Variants in GGA2 observed in about 807,000 individuals in gnomAD.
GGA2 encodes golgi associated, gamma adaptin ear containing, ARF binding protein 2.
A neutral mutation model predicts 79.5 loss-of-function variants in GGA2; 48 were observed. The observed-to-expected ratio is 0.60, with a 90% CI of 0.48 to 0.77. The LOEUF (loss-of-function observed/expected upper bound fraction) is 0.77, where lower values mean the gene tolerates loss of function less well. GGA2 is among the 30% of genes least tolerant of loss of function. The probability of loss-of-function intolerance (pLI) is 0.00; values close to 1 mark genes in which losing one functional copy is unlikely to be tolerated. For missense variants in GGA2, 770 were observed against 774.0 expected (o/e 0.99, Z 0.06); for synonymous variants, 317 against 302.0 (o/e 1.05, Z -0.51).
At chr16:23,512,747 C>T (rs1965080807), upstream of GGA2, among the ~76,000 whole-genome samples, 1 of 128,034 alleles carries the variant, frequency 7.8e-6, no homozygotes, top group Non-Finnish European at 1.6e-5. Flanking sequence ...CTCTGTTGCC[C>T]AGGCTGGAGT....
chr16:23,523,629 G>A (rs987753831), upstream of GGA2: 5 of 152,232 alleles, frequency 3.3e-5, no homozygotes, highest in Non-Finnish European at 7.3e-5. Context: ...CTGAGAACTG[G>A]GACCCATGAG....
At chr16:23,494,170 C>A in intron 3 of GGA2, 133 bp downstream of exon 3, 1 of 682,974 alleles carries the variant, frequency 1.5e-6, no homozygotes, top group Non-Finnish European at 2.7e-6. Flanking sequence ...CCTCCTCCAA[C>A]CTGCTGTGAA....
chr16:23,487,558 C>T (rs976525915), intron 6 of GGA2, among the ~76,000 whole-genome samples: 1 of 152,084 alleles, frequency 6.6e-6, no homozygotes, highest in Admixed American at 6.5e-5. Flanking sequence ...CCTTCATTTC[C>T]AGCGCCCAGC....
upstream of GGA2, chr16:23,522,215 A>C (rs13334957): frequency 0.071 from 14,462 of 202,614 alleles, 986 homozygotes; most frequent in African/African-American, 0.19. Flanking sequence ...CTTGAGAACA[A>C]CTTTTCCTCC....
In GGA2 at chr16:23,465,661, C is replaced by A. The variant is rs1025472240; in HGVS notation, c.*1929G>T. ...AGAGCCTATAAAAGCTACACAGAGG[C>A]CGGGTGCGGTGGCTCACGCCTGTAA... On this transcript the variant is annotated 3_prime_UTR_variant, in exon 17 of 17. Transcript: ENST00000309859. 4.3e-6 allele frequency: 2 copies of A among 469,162 alleles called. No homozygotes were observed. Among genetic ancestry groups the A allele is most frequent in the Admixed American group, 3.8e-5 (1 of 26,576 alleles). The allele number at this position is 469,162 out of a possible 1,614,324, so 29.1% of individuals were successfully genotyped here.
chr16:23,502,127 C>T (rs1964927892), intron 1 of GGA2, among the ~76,000 whole-genome samples: 1 of 152,164 alleles, frequency 6.6e-6, no homozygotes. Context: ...GTTCTCTGCC[C>T]ACTGAGGCAC....
chr16:23,469,032 C>T, intron 15 of GGA2, 36 bp from the exon 16 acceptor site: 1 of 1,231,262 alleles, frequency 8.1e-7, no homozygotes, highest in Non-Finnish European at 1.2e-6. Context: ...TAACTCATTC[C>T]TAACCACAGC....
intron 13 of GGA2, 45 bp downstream of exon 13, chr16:23,478,323 A>G (rs759270689): frequency 6.6e-7 from 1 of 1,510,230 alleles, no homozygotes; most frequent in Non-Finnish European, 8.9e-7. Flanking sequence ...AAGGAACCGC[A>G]CTCAGGAGCC....
upstream of GGA2, chr16:23,510,551 AG>A (rs1323756732): frequency 1.3e-5 from 4 of 303,010 alleles, no homozygotes; most frequent in South Asian, 1.4e-4. Context: ...CGCCCACCCC[AG>A]GCCCCCCCTC....
At chr16:23,479,081 G>T (rs753258269) in intron 11 of GGA2, 170 bp from the exon 12 acceptor site, 1 of 643,186 alleles carries the variant, frequency 1.6e-6, no homozygotes, top group African/African-American at 1.8e-5. Flanking sequence ...ATATGCAAGG[G>T]GGACCCTCTG....
chr16:23,479,015 ACAAATAAG>A, intron 11 of GGA2, 104 bp from the exon 12 acceptor site: 1 of 828,336 alleles, frequency 1.2e-6, no homozygotes, highest in Non-Finnish European at 2.1e-6. Context: ...GAAAGTCTAG[ACAAATAAG>A]CAACTTACTG....
chr16:23,521,312 T>C (rs150570965), intron 1 of GGA2, among the ~76,000 whole-genome samples: 1 of 152,236 alleles, frequency 6.6e-6, no homozygotes, highest in East Asian at 1.9e-4. Context: ...ACAACCACCA[T>C]CTTATTTTCT....
intron 11 of GGA2, 151 bp from the exon 12 acceptor site, chr16:23,479,062 C>A (rs1358669275): frequency 4.5e-6 from 3 of 663,320 alleles, no homozygotes; most frequent in Non-Finnish European, 8.3e-6. Flanking sequence ...CATGGCCAAT[C>A]TGTGACTAAT....
chr16:23,504,971 G>A (rs949815419), intron 1 of GGA2, among the ~76,000 whole-genome samples: 6 of 152,062 alleles, frequency 3.9e-5, no homozygotes, highest in South Asian at 2.1e-4. Flanking sequence ...ACCATCCCAC[G>A]TCAGCTGCCA....
chr16:23,490,739 GA>G (rs1199570785), intron 5 of GGA2, among the ~76,000 whole-genome samples: 238 of 89,230 alleles, frequency 2.7e-3, no homozygotes, highest in Middle Eastern at 6.9e-3. Flanking sequence ...TGTCTCAAAA[GA>G]AAAAAAAAAA....
intron 15 of GGA2, 42 bp downstream of exon 15, chr16:23,469,954 A>C: frequency 7.1e-7 from 1 of 1,415,234 alleles, no homozygotes; most frequent in African/African-American, 1.5e-5. Context: ...TGGCACTCAA[A>C]AACGACAGCC....
At chr16:23,503,131 T>G (rs192767355) in intron 1 of GGA2, among the ~76,000 whole-genome samples, 1 of 152,328 alleles carries the variant, frequency 6.6e-6, no homozygotes, top group Non-Finnish European at 1.5e-5. Flanking sequence ...TCGGGAACAA[T>G]AGGAATCCCT....
chr16:23,465,689 C>T lies in GGA2; in HGVS notation c.*1901G>A. The T allele has an allele frequency of 2.8e-6, 1 of 351,408 alleles. No individual in the cohort carries two copies. Among genetic ancestry groups the T allele is most frequent in the South Asian group, 4.2e-5 (1 of 23,854 alleles). The allele number at this position is 351,408 out of a possible 1,614,324, so 21.8% of individuals were successfully genotyped here. A position where few individuals can be genotyped will look rare whatever the true frequency, so the allele number is the denominator to read the frequency against. ...GGTGCGGTGGCTCACGCCTGTAATC[C>T]CAGCACTCTGGGAGGCCAAGGCAGG... On this transcript the variant is annotated 3_prime_UTR_variant, in exon 17 of 17. Transcript: ENST00000309859.
upstream of GGA2, among the ~76,000 whole-genome samples, chr16:23,514,867 T>C (rs1400269716): frequency 6.6e-6 from 1 of 152,018 alleles, no homozygotes. Context: ...AGAATCAGGT[T>C]TGTTGCAAAT....
Sources: allele counts gnomAD v4.1 joint callset (sites outside exome capture counted in the v4.1 genomes callset), GRCh38; gene constraint gnomAD v4.1.1; transcripts MANE v1.5; gene names NCBI Gene and HGNC (gene_info 2026-07-23, HGNC 2026-07-21).